The following STK11IP variants were observed in gnomAD, a reference collection of about 807,000 sequenced individuals.
STK11IP encodes serine/threonine-protein kinase 11-interacting protein.
STK11IP carries 103 observed loss-of-function variants against 131.7 expected under a neutral mutation model. That is an observed-to-expected ratio of 0.78 (90% CI 0.67 to 0.92). The LOEUF is 0.92. Among genes scored for constraint, STK11IP ranks in the 40% least tolerant of loss-of-function variants. The pLI, the probability that STK11IP is intolerant of heterozygous loss-of-function variation, is 0.00. For missense variants in STK11IP, 1,315 were observed against 1,385.7 expected, an observed-to-expected ratio of 0.95 and a Z score of 0.81; for synonymous variants, 557 against 575.6, an observed-to-expected ratio of 0.97 and a Z score of 0.46.
In STK11IP at chr2:219,613,183, C is replaced by G. The variant is rs1396770296; in HGVS notation, c.2495C>G (p.Ser832Cys). The change falls in exon 20 of 25, where the codon TCT (serine) becomes TGT (cysteine). Residue 832 changes from serine to cysteine, a missense_variant. Physicochemically the swap from Ser to Cys is moderately radical, Grantham distance 112 (BLOSUM62 -1). Transcript: ENST00000456909. Reference protein sequence around the residue: ...TGEFMCLVVVSDRRLYLLKVT... With the variant: ...TGEFMCLVVVCDRRLYLLKVT... ...GAGTTCATGTGCCTTGTGGTTGTGT[C>G]TGACCGCAGGCTGTACCTGTTGAAG... is the stretch of plus-strand genomic sequence containing the variant. 6.2e-7 allele frequency: 1 copy of G among 1,604,932 alleles called. No homozygotes were observed. Among genetic ancestry groups the G allele is most frequent in the African/African-American group, 1.3e-5 (1 of 74,392 alleles).
chr2:219,603,036 GT>G (rs750626798), intron 7 of STK11IP, among the ~76,000 whole-genome samples: 5,710 of 118,800 alleles, frequency 0.048, 154 homozygotes, highest in African/African-American at 0.16. Context: ...AGAGTACCTG[GT>G]TTTTTTTTTT....
In STK11IP at chr2:219,608,139, G is replaced by C. The variant is rs757143171; in HGVS notation, c.1312G>C (p.Glu438Gln). Residue 438 changes from glutamate to glutamine, a missense_variant, in exon 14 of 25, where the codon GAG (glutamate) becomes CAG (glutamine). Transcript: ENST00000456909. ...RNWLQYRSHLEPSGNPLPATP... is the reference protein window; with the variant it reads ...RNWLQYRSHLQPSGNPLPATP... ...CTGGCTGCAGTACAGGAGTCACCTG[G>C]AGCCCTCCGGAAACCCTCTGCCGGC... 1 of 1,613,310 alleles carries C rather than the reference G, an allele frequency of 6.2e-7. No homozygotes were observed. The highest frequency in any genetic ancestry group is 1.3e-5 in the African/African-American group (1 of 74,900).
chr2:219,609,562 T>C (rs567487391), intron 17 of STK11IP, 22 bp downstream of exon 17: 1 of 1,552,668 alleles, frequency 6.4e-7, no homozygotes. Flanking sequence ...GCCCTTGACC[T>C]CTCTGCCCAC....
chr2:219,614,940 GA>G, intron 23 of STK11IP, 153 bp from the exon 24 acceptor site: 1 of 890,304 alleles, frequency 1.1e-6, no homozygotes, highest in Non-Finnish European at 1.7e-6. Flanking sequence ...TGGAGCTTGG[GA>G]AAGGGAGGGT....
chr2:219,609,538 CAGGT>C lies in STK11IP; in HGVS notation c.2104_2104+3del. On this transcript the variant is annotated splice_donor_variant and coding_sequence_variant, in exon 17 of 25. Transcript: ENST00000456909. LOFTEE classifies it high-confidence loss of function. ...GGCTGGAGGCCTCTGTTCCAAAAGA[CAGGT>C]ACAAGTCCTGCCCTTGACCTCTCTG... is the stretch of plus-strand genomic sequence containing the variant. 3.2e-6 allele frequency: 5 copies of C among 1,561,300 alleles called. 1 individual carries two copies. In the South Asian group the frequency reaches 5.9e-5, roughly 18 times the overall value.
chr2:219,615,178 A>C lies in STK11IP; in HGVS notation c.2954A>C (p.Glu985Ala). 6.2e-7 allele frequency: 1 copy of C among 1,600,802 alleles called. No homozygotes were observed. Among genetic ancestry groups the C allele is most frequent in the South Asian group, 1.1e-5 (1 of 89,024 alleles). ...LDEDAAGSPAEPSPPAASGEA... is the reference protein window; with the variant it reads ...LDEDAAGSPAAPSPPAASGEA... ...GAGGATGCTGCAGGGTCCCCGGCAG[A>C]GCCCTCTCCTCCAGCAGCATCTGGC... Residue 985 changes from glutamate (E) to alanine (A), a missense_variant, in exon 24 of 25, where the codon GAG (glutamate) becomes GCG (alanine). Physicochemically the swap from Glu to Ala is moderately radical, Grantham distance 107 (BLOSUM62 -1). Transcript: ENST00000456909.
intron 19 of STK11IP, 38 bp from the exon 20 acceptor site, chr2:219,613,090 C>T: frequency 6.4e-7 from 1 of 1,573,658 alleles, no homozygotes; most frequent in Non-Finnish European, 8.7e-7. Flanking sequence ...CTCCCCAGGC[C>T]TCTCATCAGG....
chr2:219,605,933 C>T lies in STK11IP; in HGVS notation c.746-23C>T, dbSNP rs898575435. ...GCGTGTACTCATCCACATGCTCTTC[C>T]TTCCTTCTTGCGTCCACCCCAGGCC... is the stretch of plus-strand genomic sequence containing the variant. On this transcript the variant is annotated intron_variant, in intron 8 of 24. Transcript: ENST00000456909. 11 of 1,575,808 alleles carry T rather than the reference C, an allele frequency of 7.0e-6. No individual in the cohort carries two copies. The African/African-American group carries it at 1.5e-4, about 21-fold the overall frequency.
Position 219,616,330 on chromosome 2 carries a change from G to C in STK11IP, c.*137G>C, listed in dbSNP as rs1009403131. On this transcript the variant is annotated 3_prime_UTR_variant, in exon 25 of 25. Coordinates refer to ENST00000456909, the MANE Select transcript of STK11IP (RefSeq NM_052902.4). The stretch of plus-strand genomic sequence containing the variant: ...GGTGCTGGCCAGTGAGGTCCCAAAT[G>C]ACCCAGGGCTTAAGGGAGAGGCGAG... 4 of 1,172,148 alleles carry C rather than the reference G, an allele frequency of 3.4e-6. No homozygotes were observed. The highest frequency in any genetic ancestry group is 1.6e-5 in the African/African-American group (1 of 64,500). 72.6% of individuals were successfully genotyped at this position (1,172,148 alleles called of 1,614,324 possible).
intron 19 of STK11IP, among the ~76,000 whole-genome samples, chr2:219,612,368 T>A (rs1311206823): frequency 6.6e-6 from 1 of 152,230 alleles, no homozygotes; most frequent in Non-Finnish European, 1.5e-5. Flanking sequence ...AAACACATGA[T>A]GTCGTTAGGC....
rs1698376689 is a variant in STK11IP, at chr2:219,610,954, T to C, written c.2105-650T>C. On this transcript the variant is annotated intron_variant, in intron 17 of 24. Coordinates refer to ENST00000456909, the MANE Select transcript of STK11IP (RefSeq NM_052902.4). ...GGGATAGGGAGAGTTTCTCTGGTGA[T>C]GAAATGCGATCATAGTGGCATAGGA... 3.9e-5 allele frequency among the ~76,000 whole-genome samples: 6 copies of C among 152,324 alleles called. No individual in the cohort carries two copies. In the South Asian group the frequency reaches 1.2e-3, roughly 32 times the overall value.
chr2:219,599,535 G>T (rs1470768641), intron 2 of STK11IP, among the ~76,000 whole-genome samples: 1 of 152,220 alleles, frequency 6.6e-6, no homozygotes, highest in Non-Finnish European at 1.5e-5. Flanking sequence ...AGTACATACA[G>T]AATCCTTCAT....
At chr2:219,598,393 C>G (rs1697870290) in intron 2 of STK11IP, 4 of 480,594 alleles carry the variant, frequency 8.3e-6, no homozygotes, top group Non-Finnish European at 1.5e-5. Flanking sequence ...GGCCAAAGGG[C>G]GGTATCCCTC....
intron 17 of STK11IP, among the ~76,000 whole-genome samples, chr2:219,610,495 C>T (rs571435759): frequency 2.0e-4 from 31 of 152,218 alleles, no homozygotes; most frequent in African/African-American, 6.3e-4. Context: ...CTCTGCCTTC[C>T]GGGTTCACGC....
intron 13 of STK11IP, among the ~76,000 whole-genome samples, chr2:219,607,487 A>G (rs961201624): frequency 7.2e-5 from 11 of 151,822 alleles, no homozygotes; most frequent in African/African-American, 2.7e-4. Context: ...AGAGATGTCC[A>G]TTTCTACAAA....
chr2:219,614,050 A>G, intron 21 of STK11IP, 111 bp from the exon 22 acceptor site: 1 of 1,522,166 alleles, frequency 6.6e-7, no homozygotes, highest in Middle Eastern at 1.7e-4. Context: ...TGTCCCTTGT[A>G]GAAGTTTCTG....
intron 17 of STK11IP, among the ~76,000 whole-genome samples, chr2:219,610,643 C>T (rs1698366432): frequency 6.6e-6 from 1 of 152,168 alleles, no homozygotes; most frequent in African/African-American, 2.4e-5. Context: ...CTCGGATCTG[C>T]CCACCTTGGC....
In STK11IP at chr2:219,611,735, T is replaced by C; in HGVS notation, c.2236T>C (p.Cys746Arg). The C allele has an allele frequency of 1.2e-6, 2 of 1,613,054 alleles. No homozygotes were observed. The highest frequency in any genetic ancestry group is 1.7e-6 in the Non-Finnish European group (2 of 1,179,862). ...TCCTTCTCCGTCTGCCAGCCCTGTC[T>C]GCCACCCTCCTGGCCATGGTGACCA... Reference protein sequence around the residue: ...LAPSPSASPVCHPPGHGDHLD... With the variant: ...LAPSPSASPVRHPPGHGDHLD... Residue 746 changes from cysteine to arginine, a missense_variant, in exon 18 of 25, where the codon TGC (cysteine) becomes CGC (arginine). Coordinates refer to ENST00000456909, the MANE Select transcript of STK11IP (RefSeq NM_052902.4).
intron 24 of STK11IP, 84 bp from the exon 25 acceptor site, chr2:219,615,960 G>T (rs1333053049): frequency 2.6e-6 from 4 of 1,549,594 alleles, no homozygotes; most frequent in Non-Finnish European, 1.8e-6. Flanking sequence ...GGTGGAGACA[G>T]TGAGGCCTTC....
Sources: allele counts gnomAD v4.1 joint callset (sites outside exome capture counted in the v4.1 genomes callset), GRCh38; gene constraint gnomAD v4.1.1; transcripts MANE v1.5; gene names NCBI Gene and HGNC (gene_info 2026-07-23, HGNC 2026-07-21).